SLC9C1: variants seen among roughly 807,000 people sequenced by gnomAD.
The protein encoded by SLC9C1 is solute carrier family 9 member C1.
In SLC9C1, 97 loss-of-function variants were observed where a neutral mutation model predicts 140.9. The ratio of observed to expected loss-of-function variants is 0.69; its 90% CI spans 0.58 to 0.82. The LOEUF is 0.82. Ranked by LOEUF, SLC9C1 falls within the 40% of genes least tolerant of loss-of-function variation. SLC9C1 has a pLI of 0.00. For synonymous variants in SLC9C1, 440 were observed against 442.6 expected, an observed-to-expected ratio of 0.99 and a Z score of 0.07; for missense variants, 1,340 against 1,389.3, an observed-to-expected ratio of 0.96 and a Z score of 0.56.
chr3:112,293,229 T>C (rs1243876626), intron 1 of SLC9C1, among the ~76,000 whole-genome samples: 4 of 152,178 alleles, frequency 2.6e-5, no homozygotes, highest in East Asian at 1.9e-4. Context: ...TGAGCCTAGA[T>C]TGTGCCACTG....
chr3:112,253,294 A>G (rs941112033), intron 10 of SLC9C1, among the ~76,000 whole-genome samples: 9 of 152,138 alleles, frequency 5.9e-5, no homozygotes, highest in Admixed American at 6.5e-5. Flanking sequence ...GAGATCACAC[A>G]AGAGCTGTGG....
intron 28 of SLC9C1, chr3:112,147,578 T>C: frequency 2.8e-6 from 1 of 360,836 alleles, no homozygotes; most frequent in Non-Finnish European, 5.4e-6. Flanking sequence ...TGGTTGGAAT[T>C]TTCTTTCTTT....
chr3:112,234,471 C>G (rs2078926803), intron 12 of SLC9C1, among the ~76,000 whole-genome samples: 3 of 152,070 alleles, frequency 2.0e-5, no homozygotes, highest in Admixed American at 2.0e-4. Context: ...TGCAGAAGCT[C>G]TTTAGTTTAA....
intron 26 of SLC9C1, among the ~76,000 whole-genome samples, chr3:112,158,623 A>G (rs1041435391): frequency 6.6e-6 from 1 of 152,022 alleles, no homozygotes; most frequent in African/African-American, 2.4e-5. Context: ...TATTCATTAC[A>G]ATTCAGTAGT....
intron 28 of SLC9C1, among the ~76,000 whole-genome samples, chr3:112,142,598 T>G (rs1165818279): frequency 6.6e-6 from 1 of 152,188 alleles, no homozygotes; most frequent in Non-Finnish European, 1.5e-5. Context: ...CAGTATTACT[T>G]TTTTGAGGTA....
chr3:112,223,013 C>G (rs780358131), intron 13 of SLC9C1, among the ~76,000 whole-genome samples: 21 of 152,010 alleles, frequency 1.4e-4, no homozygotes, highest in Non-Finnish European at 2.9e-5. Flanking sequence ...TTGAAAAATA[C>G]ACTTCAAAGA....
At chr3:112,251,578 G>T (rs183690579) in intron 10 of SLC9C1, among the ~76,000 whole-genome samples, 1 of 152,240 alleles carries the variant, frequency 6.6e-6, no homozygotes, top group Non-Finnish European at 1.5e-5. Context: ...AGTAGCAATG[G>T]TCTACAGGCA....
At chr3:112,208,438 C>T (rs191111191) in intron 15 of SLC9C1, 65 bp from the exon 16 acceptor site, 6 of 1,140,512 alleles carry the variant, frequency 5.3e-6, no homozygotes, top group African/African-American at 4.7e-5. Flanking sequence ...CATATATACT[C>T]ATTTCTGTTC....
At chr3:112,292,133 A>G (rs1218214767) in intron 1 of SLC9C1, among the ~76,000 whole-genome samples, 6 of 152,150 alleles carry the variant, frequency 3.9e-5, no homozygotes, top group Non-Finnish European at 8.8e-5. Flanking sequence ...GTGGGAGGAG[A>G]GAGAGGATCA....
At chr3:112,254,907 AC>A (rs1287185387) in intron 10 of SLC9C1, among the ~76,000 whole-genome samples, 1 of 152,134 alleles carries the variant, frequency 6.6e-6, no homozygotes, top group African/African-American at 2.4e-5. Context: ...CAAATGGAAA[AC>A]AAAAAAAAAG....
intron 10 of SLC9C1, among the ~76,000 whole-genome samples, chr3:112,260,495 A>G (rs2079742540): frequency 1.3e-5 from 2 of 152,092 alleles, no homozygotes; most frequent in African/African-American, 4.8e-5. Context: ...GCATAGTAAT[A>G]TTAGATTTTA....
chr3:112,174,126 TG>T (rs1465197909), intron 23 of SLC9C1, among the ~76,000 whole-genome samples: 1 of 152,240 alleles, frequency 6.6e-6, no homozygotes, highest in East Asian at 1.9e-4. Flanking sequence ...CACTTTTTAA[TG>T]GGGTTGTTTG....
chr3:112,228,128 T>C (rs1197209979), intron 13 of SLC9C1, among the ~76,000 whole-genome samples: 2 of 152,076 alleles, frequency 1.3e-5, no homozygotes, highest in African/African-American at 2.4e-5. Context: ...GACATTATAA[T>C]ACCCTAGTTC....
Position 112,199,443 on chromosome 3 carries a change from T to C in SLC9C1, c.2401A>G (p.Ile801Val), listed in dbSNP as rs563051370. 1.9e-6 allele frequency: 3 copies of C among 1,593,678 alleles called. No individual in the cohort carries two copies. The highest frequency in any genetic ancestry group is 4.5e-5 in the East Asian group (2 of 44,240). ...LGYLEYDHPE[I>V]AVTVKTKEEI... ...TCCTTTGTTTTCACAGTGACAGCAATTTCTGGGTGATCATACTCTAAGTAG... is the reference window on the plus strand; with the variant it reads ...TCCTTTGTTTTCACAGTGACAGCAACTTCTGGGTGATCATACTCTAAGTAG... The change falls in exon 20 of 29, where the codon ATT becomes GTT. Residue 801 changes from isoleucine (I) to valine (V), a missense_variant. Ile to Val is a conservative substitution (Grantham distance 29). Transcript: ENST00000305815.
intron 11 of SLC9C1, 151 bp downstream of exon 11, chr3:112,243,844 C>T (rs1323157264): frequency 2.1e-6 from 1 of 483,258 alleles, no homozygotes; most frequent in Non-Finnish European, 3.6e-6. Context: ...GTGTGCACTG[C>T]CACGCCTGGC....
Position 112,221,219 on chromosome 3 carries a change from A to G in SLC9C1, c.1579T>C (p.Tyr527His). The G allele has an allele frequency of 3.7e-6, 6 of 1,613,072 alleles. No individual in the cohort carries two copies. Among genetic ancestry groups the G allele is most frequent in the Non-Finnish European group, 5.1e-6 (6 of 1,179,452 alleles). Reference protein sequence around the residue: ...RRLLSAQIASYQRQYRNEILS... With the variant: ...RRLLSAQIASHQRQYRNEILS... ...ATCTCATTCCTGTATTGTCTCTGGT[A>G]GCTTGCCTAAAAAAATATTAATTCA... The change falls in exon 14 of 29, where the codon TAC becomes CAC. Residue 527 changes from tyrosine to histidine, a missense_variant. Transcript: ENST00000305815.
chr3:112,263,174 T>C, intron 9 of SLC9C1, 76 bp from the exon 10 acceptor site: 1 of 1,248,720 alleles, frequency 8.0e-7, no homozygotes, highest in Non-Finnish European at 1.1e-6. Flanking sequence ...TCTATTCTAA[T>C]CTACTCCCTG....
At chr3:112,178,304 A>G (rs1482864126) in intron 23 of SLC9C1, among the ~76,000 whole-genome samples, 1 of 151,372 alleles carries the variant, frequency 6.6e-6, no homozygotes, top group Non-Finnish European at 1.5e-5. Flanking sequence ...ATGCCTGGCT[A>G]ATTTTTTTTT....
Position 112,271,548 on chromosome 3 carries a change from A to G in SLC9C1, c.614-1471T>C, listed in dbSNP as rs187711711. Reference sequence around the variant, plus strand: ...TCTGTGTTGAAAGAGTTTATTTTCAACTGCTAAAAGCCACGCTTAAGTTTG... The same window carrying G: ...TCTGTGTTGAAAGAGTTTATTTTCAGCTGCTAAAAGCCACGCTTAAGTTTG... On this transcript the variant is annotated intron_variant, in intron 6 of 28. Transcript: ENST00000305815. Among the ~76,000 whole-genome samples the G allele has an allele frequency of 1.4e-3, 215 of 152,102 alleles. 1 individual carries two copies. Among genetic ancestry groups the G allele is most frequent in the African/African-American group, 4.7e-3 (194 of 41,530 alleles).
Sources: gnomAD v4.1 joint callset for allele counts (sites outside exome capture counted in the v4.1 genomes callset) on GRCh38, gnomAD v4.1.1 for gene constraint, MANE v1.5 for transcripts, NCBI Gene and HGNC (gene_info 2026-07-23, HGNC 2026-07-21) for gene names.